ZBTB20: variants seen among roughly 807,000 people sequenced by gnomAD.
ZBTB20 encodes the protein zinc finger and BTB domain containing 20.
Under a neutral mutation model 56.9 loss-of-function variants are expected in ZBTB20, and 9 were observed. The observed-to-expected ratio is 0.16, with a 90% confidence interval of 0.10 to 0.28. The LOEUF is 0.28. Ranked by LOEUF, ZBTB20 falls within the 10% of genes least tolerant of loss-of-function variation. The pLI, the probability that ZBTB20 is intolerant of heterozygous loss-of-function variation, is 1.00. For synonymous variants in ZBTB20, 417 were observed against 420.7 expected, an observed-to-expected ratio of 0.99 and a Z score of 0.11; for missense variants, 655 against 1,003.0, an observed-to-expected ratio of 0.65 and a Z score of 4.69.
chr3:114,889,313 A>G (rs1031684038), intron 4 of ZBTB20, among the ~76,000 whole-genome samples: 12 of 152,118 alleles, frequency 7.9e-5, no homozygotes, highest in African/African-American at 2.6e-4. Flanking sequence ...CAAATATCAA[A>G]TTCTTTTTCT....
At chr3:115,090,960 C>T (rs1306832556) in intron 1 of ZBTB20, among the ~76,000 whole-genome samples, 2 of 151,810 alleles carry the variant, frequency 1.3e-5, no homozygotes, top group African/African-American at 2.4e-5. Context: ...ATGAATCAAA[C>T]TCAAAATAGC....
Position 114,464,230 on chromosome 3 carries a change from C to T in ZBTB20, c.-255+36122G>A, listed in dbSNP as rs544530399. On this transcript the variant is annotated intron_variant, in intron 7 of 11. Coordinates refer to ENST00000675478, the MANE Select transcript of ZBTB20 (RefSeq NM_001348800.3). Reference sequence around the variant, plus strand: ...ATAAAGTGTCCATAGATAAATGCATCATTATCACTGAGGTGAAAGTTGTGA... The same window carrying T: ...ATAAAGTGTCCATAGATAAATGCATTATTATCACTGAGGTGAAAGTTGTGA... 4.6e-5 allele frequency among the ~76,000 whole-genome samples: 7 copies of T among 152,250 alleles called. No individual in the cohort carries two copies. In the South Asian group the frequency reaches 1.5e-3, roughly 32 times the overall value.
intron 5 of ZBTB20, among the ~76,000 whole-genome samples, chr3:114,786,267 T>C (rs1263866541): frequency 6.6e-6 from 1 of 152,114 alleles, no homozygotes; most frequent in Non-Finnish European, 1.5e-5. Context: ...ACATCAGGTA[T>C]TTCTCCTAAT....
In ZBTB20 at chr3:114,997,388, T is replaced by C. The variant is rs191865434; in HGVS notation, c.-506-22972A>G. Reference sequence around the variant, plus strand: ...TATTCTTGAAATGTGTGAAATTTTATGGTATGTGTAAAACAAATTTTTAAG... The same window carrying C: ...TATTCTTGAAATGTGTGAAATTTTACGGTATGTGTAAAACAAATTTTTAAG... On this transcript the variant is annotated intron_variant, in intron 2 of 11. Transcript: ENST00000675478. Among the ~76,000 whole-genome samples the C allele has an allele frequency of 3.4e-3, 517 of 151,920 alleles. 3 individuals are homozygous for C. The highest frequency in any genetic ancestry group is 5.5e-3 in the Non-Finnish European group (372 of 67,838).
Position 114,945,018 on chromosome 3 carries a change from G to A in ZBTB20, c.-456+29348C>T, listed in dbSNP as rs1188774130. The stretch of plus-strand genomic sequence containing the variant: ...AAACACGATAATTATTTGAGGTGAT[G>A]GATGCTAATTAGCTTGATTTATTAA... On this transcript the variant is annotated intron_variant, in intron 3 of 11. Coordinates refer to ENST00000675478, the MANE Select transcript of ZBTB20 (RefSeq NM_001348800.3). Among the ~76,000 whole-genome samples, 8 of 145,418 alleles carry A rather than the reference G, an allele frequency of 5.5e-5. 3 individuals are homozygous for A. The highest frequency in any genetic ancestry group is 2.2e-4 in the African/African-American group (8 of 35,854).
At chr3:114,832,389 T>A (rs2073898522) in intron 4 of ZBTB20, among the ~76,000 whole-genome samples, 1 of 152,070 alleles carries the variant, frequency 6.6e-6, no homozygotes, top group Admixed American at 6.6e-5. Context: ...AGTATGCCAG[T>A]ACTCCTCATA....
intron 6 of ZBTB20, among the ~76,000 whole-genome samples, chr3:114,641,038 A>G (rs576565910): frequency 3.1e-4 from 47 of 152,198 alleles, no homozygotes; most frequent in African/African-American, 1.0e-3. Context: ...ATTTCTGTGA[A>G]CATTATTATT....
At chr3:114,865,138 A>G (rs541154055) in intron 4 of ZBTB20, among the ~76,000 whole-genome samples, 1 of 152,108 alleles carries the variant, frequency 6.6e-6, no homozygotes, top group Non-Finnish European at 1.5e-5. Context: ...CACACAGCAA[A>G]CTGAAGCATG....
chr3:114,915,113 C>G (rs1257184333), intron 3 of ZBTB20, among the ~76,000 whole-genome samples: 3 of 151,682 alleles, frequency 2.0e-5, no homozygotes, highest in African/African-American at 4.8e-5. Context: ...ACATTCCCTC[C>G]TCTTCTATTT....
chr3:114,467,969 C>T (rs1029913985), intron 7 of ZBTB20, among the ~76,000 whole-genome samples: 3 of 152,128 alleles, frequency 2.0e-5, no homozygotes, highest in African/African-American at 4.8e-5. Context: ...AAAGCTGACG[C>T]CTTTGTGATG....
chr3:114,378,229 A>G (rs546019425), intron 10 of ZBTB20, among the ~76,000 whole-genome samples: 3 of 152,304 alleles, frequency 2.0e-5, no homozygotes, highest in South Asian at 2.1e-4. Flanking sequence ...CCTAAAAACA[A>G]TTTTCTTCTA....
At chr3:114,533,742 G>T (rs1474335716) in intron 6 of ZBTB20, among the ~76,000 whole-genome samples, 1 of 152,162 alleles carries the variant, frequency 6.6e-6, no homozygotes, top group Non-Finnish European at 1.5e-5. Context: ...CAGAGAGAAA[G>T]GTCAGGTTAC....
intron 5 of ZBTB20, among the ~76,000 whole-genome samples, chr3:114,715,751 A>T (rs2204846): frequency 1.1e-4 from 16 of 152,256 alleles, no homozygotes; most frequent in Admixed American, 3.9e-4. Context: ...ACACTACCCC[A>T]CAACATGCAC....
At chr3:114,406,843 G>T (rs2087378160) in intron 7 of ZBTB20, among the ~76,000 whole-genome samples, 1 of 152,078 alleles carries the variant, frequency 6.6e-6, no homozygotes, top group African/African-American at 2.4e-5. Context: ...GTTTTTTAAT[G>T]ACATAAACTT....
At chr3:114,575,934 G>C (rs1388300874) in intron 6 of ZBTB20, among the ~76,000 whole-genome samples, 1 of 152,036 alleles carries the variant, frequency 6.6e-6, no homozygotes, top group Admixed American at 6.5e-5. Flanking sequence ...TGACAGAAAA[G>C]GTATTTATTA....
At chr3:114,821,405 C>T (rs2073237943) in intron 4 of ZBTB20, among the ~76,000 whole-genome samples, 1 of 152,088 alleles carries the variant, frequency 6.6e-6, no homozygotes, top group East Asian at 1.9e-4. Flanking sequence ...GTATGTATGA[C>T]AGTCAAGCTG....
intron 7 of ZBTB20, among the ~76,000 whole-genome samples, chr3:114,485,874 T>G (rs549330343): frequency 6.6e-6 from 1 of 152,140 alleles, no homozygotes; most frequent in Non-Finnish European, 1.5e-5. Context: ...TCTGTAACTA[T>G]GAAAAATAAG....
At chr3:114,949,454 A>G (rs1247977157) in intron 3 of ZBTB20, among the ~76,000 whole-genome samples, 1 of 146,594 alleles carries the variant, frequency 6.8e-6, no homozygotes, top group Non-Finnish European at 1.5e-5. Flanking sequence ...GCATTAAAAT[A>G]AAAAACTTTT....
At chr3:115,124,643 C>T (rs963503190) in intron 1 of ZBTB20, among the ~76,000 whole-genome samples, 3 of 152,054 alleles carry the variant, frequency 2.0e-5, no homozygotes, top group African/African-American at 7.2e-5. Flanking sequence ...AGAGATAGTC[C>T]AATCAACCAA....
Sources: allele counts gnomAD v4.1 joint callset (sites outside exome capture counted in the v4.1 genomes callset), GRCh38; gene constraint gnomAD v4.1.1; transcripts MANE v1.5; gene names NCBI Gene and HGNC (gene_info 2026-07-23, HGNC 2026-07-21).